The following VPS37D variants were observed in gnomAD, a reference collection of about 807,000 sequenced individuals.
The protein encoded by VPS37D is vacuolar protein sorting-associated protein 37D.
A neutral mutation model predicts 22.0 loss-of-function variants in VPS37D; 5 were observed. The observed-to-expected ratio is 0.23, with a 90% CI of 0.12 to 0.48. The LOEUF (loss-of-function observed/expected upper bound fraction) is 0.48. Ranked by LOEUF, VPS37D falls within the 20% of genes least tolerant of loss-of-function variation. VPS37D has a pLI of 0.99. For missense variants in VPS37D, 384 were observed against 345.8 expected (o/e 1.11, Z -0.88); for synonymous variants, 174 against 159.3 (o/e 1.09, Z -0.69).
Position 73,671,259 on chromosome 7 carries a change from C to G in VPS37D, c.639C>G (p.Ser213Arg). Residue 213 changes from serine to arginine, a missense_variant, in exon 4 of 4, where the codon AGC becomes AGG. Transcript: ENST00000324941. ...GGGGGCCACCAGCAGTGCCCCGGAG[C>G]CTGCCCCCCTTGGACTCCCGCCCAG... ...AARGPPAVPR[S>R]LPPLDSRPVP... is the part of the protein sequence containing the mutation. The G allele has an allele frequency of 6.7e-7, 1 of 1,503,236 alleles. No individual in the cohort carries two copies. Among genetic ancestry groups the G allele is most frequent in the Non-Finnish European group, 8.9e-7 (1 of 1,129,586 alleles). The allele number at this position is 1,503,236 out of a possible 1,614,324, so 93.1% of individuals were successfully genotyped here.
intron 3 of VPS37D, 49 bp from the exon 4 acceptor site, chr7:73,670,965 C>T: frequency 6.3e-7 from 1 of 1,589,892 alleles, no homozygotes; most frequent in South Asian, 1.1e-5. Flanking sequence ...GACCAGTCCC[C>T]AGTCTGTGGT....
upstream of VPS37D, among the ~76,000 whole-genome samples, chr7:73,665,997 C>T (rs994126173): frequency 6.6e-6 from 1 of 152,106 alleles, no homozygotes; most frequent in East Asian, 1.9e-4. Flanking sequence ...GCTACAGGCA[C>T]GAACCACCAC....
At chr7:73,670,144 C>G (rs1554609477) in intron 3 of VPS37D, 42 bp downstream of exon 3, 2 of 1,549,102 alleles carry the variant, frequency 1.3e-6, no homozygotes, top group Non-Finnish European at 1.7e-6. Flanking sequence ...AGGAGGGAGA[C>G]CCATTCTCTG....
chr7:73,665,823 G>C (rs1797361827), upstream of VPS37D, among the ~76,000 whole-genome samples: 1 of 152,134 alleles, frequency 6.6e-6, no homozygotes, highest in Admixed American at 6.6e-5. Flanking sequence ...TACTTTTGTA[G>C]CAGTGTATTA....
intron 2 of VPS37D, 34 bp from the exon 3 acceptor site, chr7:73,669,985 GC>G (rs1554609428): frequency 6.4e-7 from 1 of 1,551,494 alleles, no homozygotes; most frequent in Admixed American, 2.0e-5. Flanking sequence ...CGGGGCCCTG[GC>G]CTGTCTGTCA....
chr7:73,665,671 A>G (rs548405319), upstream of VPS37D, among the ~76,000 whole-genome samples: 14 of 152,280 alleles, frequency 9.2e-5, no homozygotes, highest in African/African-American at 3.4e-4. Context: ...GTCCTTGCTC[A>G]GCTCTTCCCG....
In VPS37D at chr7:73,669,136, A is replaced by C. The variant is rs1797447687; in HGVS notation, c.139-283A>C. Among the ~76,000 whole-genome samples, 2 of 152,058 alleles carry C rather than the reference A, an allele frequency of 1.3e-5. 1 individual carries two copies. Among genetic ancestry groups the C allele is most frequent in the South Asian group, 4.1e-4 (2 of 4,822 alleles). Reference sequence around the variant, plus strand: ...AACTAACATTTGTAGAGGCCTTTATAGTTTTCCTCACTTAAGTCTCTCAAC... The same window carrying C: ...AACTAACATTTGTAGAGGCCTTTATCGTTTTCCTCACTTAAGTCTCTCAAC... On this transcript the variant is annotated intron_variant, in intron 1 of 3. Transcript: ENST00000324941.
intron 3 of VPS37D, 136 bp downstream of exon 3, chr7:73,670,238 G>C: frequency 7.2e-7 from 1 of 1,387,366 alleles, no homozygotes; most frequent in South Asian, 1.4e-5. Flanking sequence ...GCATGCCAGA[G>C]CCTAGCATTG....
rs1563540396 is a variant in VPS37D, at chr7:73,671,055, G to A, written c.435G>A (p.Glu145=). ...TGCTGCTCGGGGAGCAAAGCCTGGA[G>A]GCCTTCCTGCCTGCCTTCCAGCGTG... ...EQLLLGEQSL[E]AFLPAFQRGR... The change falls in exon 4 of 4, where the codon GAG becomes GAA. Residue 145 remains glutamate (E), a synonymous_variant. Coordinates refer to ENST00000324941, the MANE Select transcript of VPS37D (RefSeq NM_001077621.2). The A allele has an allele frequency of 1.2e-6, 2 of 1,612,412 alleles. No individual in the cohort carries two copies. Among genetic ancestry groups the A allele is most frequent in the Admixed American group, 1.7e-5 (1 of 60,002 alleles).
upstream of VPS37D, among the ~76,000 whole-genome samples, chr7:73,667,523 G>T (rs1554608872): frequency 6.6e-6 from 1 of 152,164 alleles, no homozygotes; most frequent in Non-Finnish European, 1.5e-5. Flanking sequence ...TCGGCGCCCG[G>T]CCAAAGTCAG....
chr7:73,669,739 G>A (rs1398698312), intron 2 of VPS37D, 149 bp downstream of exon 2: 3 of 670,886 alleles, frequency 4.5e-6, no homozygotes, highest in Non-Finnish European at 7.0e-6. Context: ...GGAAGTGAGA[G>A]GAAGTGGGGA....
chr7:73,670,050 G>C lies in VPS37D; in HGVS notation c.341G>C (p.Cys114Ser). The C allele has an allele frequency of 1.3e-6, 2 of 1,551,598 alleles. No homozygotes were observed. The highest frequency in any genetic ancestry group is 1.7e-6 in the Non-Finnish European group (2 of 1,146,976). The change falls in exon 3 of 4, where the codon TGC becomes TCC. Residue 114 changes from cysteine (C) to serine (S), a missense_variant. Cys to Ser is a moderately radical substitution (Grantham distance 112). Transcript: ENST00000324941. ...AGCATGCATCGCTGGAGTCCCCACT[G>C]CGCGCTGGGCTGGCTGCAGGCTGAG... The part of the protein sequence containing the change: ...EESMHRWSPH[C>S]ALGWLQAELE...
At chr7:73,670,807 C>G (rs539004412) in intron 3 of VPS37D, among the ~76,000 whole-genome samples, 55 of 134,294 alleles carry the variant, frequency 4.1e-4, no homozygotes, top group Non-Finnish European at 5.7e-4. Flanking sequence ...GACTCTGTCT[C>G]AGGAAAAAAA....
upstream of VPS37D, among the ~76,000 whole-genome samples, chr7:73,667,602 A>C (rs376656960): frequency 3.3e-5 from 5 of 152,082 alleles, no homozygotes; most frequent in Non-Finnish European, 7.4e-5. Flanking sequence ...CCGGGGTGGG[A>C]GAGTCCGTGC....
chr7:73,671,301 C>G lies in VPS37D; in HGVS notation c.681C>G (p.Gly227=). The change falls in exon 4 of 4, where the codon GGC becomes GGG. Residue 227 remains glycine, a synonymous_variant. Coordinates refer to ENST00000324941, the MANE Select transcript of VPS37D (RefSeq NM_001077621.2). ...LDSRPVPPLK[G]SPGCPLGPAP... ...CCCGCCCAGTGCCCCCACTGAAGGG[C>G]TCCCCCGGGTGCCCCCTCGGCCCGG... 7.1e-7 allele frequency: 1 copy of G among 1,408,444 alleles called. No homozygotes were observed. Among genetic ancestry groups the G allele is most frequent in the Non-Finnish European group, 9.2e-7 (1 of 1,083,570 alleles). The allele number at this position is 1,408,444 out of a possible 1,614,324, so 87.2% of individuals were successfully genotyped here. A position where few individuals can be genotyped will look rare whatever the true frequency, so the allele number is the denominator to read the frequency against.
At chr7:73,670,888 C>G (rs1196215132) in intron 3 of VPS37D, 126 bp from the exon 4 acceptor site, 3 of 1,367,388 alleles carry the variant, frequency 2.2e-6, no homozygotes, top group African/African-American at 1.5e-5. Context: ...GGCTGGAACG[C>G]AGGTCCCCTG....
intron 1 of VPS37D, 88 bp downstream of exon 1, chr7:73,668,184 G>C: frequency 2.4e-6 from 2 of 825,672 alleles, no homozygotes; most frequent in Non-Finnish European, 3.0e-6. Flanking sequence ...CGCGGGCCGG[G>C]CCGCGGGGCC....
chr7:73,669,345 G>A, intron 1 of VPS37D, 74 bp from the exon 2 acceptor site: 1 of 1,459,556 alleles, frequency 6.9e-7, no homozygotes, highest in Middle Eastern at 2.5e-4. Context: ...CGGTCGCCCA[G>A]TAGGGTGGAC....
chr7:73,671,279 G>A lies in VPS37D; in HGVS notation c.659G>A (p.Arg220His), dbSNP rs782762078. The stretch of plus-strand genomic sequence containing the variant: ...CGGAGCCTGCCCCCCTTGGACTCCC[G>A]CCCAGTGCCCCCACTGAAGGGCTCC... ...VPRSLPPLDS[R>H]PVPPLKGSPG... The change falls in exon 4 of 4, where the codon CGC becomes CAC. Residue 220 changes from arginine to histidine, a missense_variant. By Grantham distance (29) the Arg-to-His change is conservative. Transcript: ENST00000324941. 2.2e-5 allele frequency: 32 copies of A among 1,449,630 alleles called. No individual in the cohort carries two copies. Among genetic ancestry groups the A allele is most frequent in the Middle Eastern group, 4.8e-4 (2 of 4,152 alleles). 89.8% of individuals were successfully genotyped at this position (1,449,630 alleles called of 1,614,324 possible).
Sources: allele counts gnomAD v4.1 joint callset (sites outside exome capture counted in the v4.1 genomes callset), GRCh38; gene constraint gnomAD v4.1.1; transcripts MANE v1.5; gene names NCBI Gene and HGNC (gene_info 2026-07-23, HGNC 2026-07-21).